DMRT3: variants seen among roughly 807,000 people sequenced by gnomAD.
DMRT3 encodes the protein doublesex and mab-3 related transcription factor 3, also known as doublesex- and mab-3-related transcription factor 3.
A neutral mutation model predicts 34.9 loss-of-function variants in DMRT3; 29 were observed. The ratio of observed to expected loss-of-function variants is 0.83; its 90% CI spans 0.62 to 1.13. The LOEUF is 1.13. Among genes scored for constraint, DMRT3 ranks in the 50% most tolerant of loss-of-function variants. DMRT3 has a pLI of 0.00. For synonymous variants in DMRT3, 350 were observed against 286.0 expected (o/e 1.22, Z -2.26); for missense variants, 772 against 629.1 (o/e 1.23, Z -2.43).
In DMRT3 at chr9:990,444, G is replaced by C. The variant is rs1820343148; in HGVS notation, c.858G>C (p.Leu286=). The part of the protein sequence containing the change: ...GDLVSAVEVL[L]SSRSSVTGAE... ...TGGTGAGCGCCGTGGAAGTCCTTCT[G>C]TCCAGCCGATCCTCAGTCACGGGAG... is the stretch of plus-strand genomic sequence containing the variant. Residue 286 remains leucine, a synonymous_variant, in exon 2 of 2, where the codon CTG becomes CTC. Transcript: ENST00000190165. 4.3e-6 allele frequency: 7 copies of C among 1,614,130 alleles called. No homozygotes were observed. Among genetic ancestry groups the C allele is most frequent in the Non-Finnish European group, 5.9e-6 (7 of 1,180,022 alleles).
chr9:979,096 G>C (rs1563687110), intron 1 of DMRT3, among the ~76,000 whole-genome samples: 1 of 152,160 alleles, frequency 6.6e-6, no homozygotes, highest in Non-Finnish European at 1.5e-5. Flanking sequence ...TAACATCAGA[G>C]GTTAACTCAG....
At position 977,169 on chromosome 9, in the gene DMRT3, G is replaced by A. The variant is rs550224143; in HGVS notation, c.168G>A (p.Glu56=). The A allele has an allele frequency of 6.2e-7, 1 of 1,611,384 alleles. No individual in the cohort carries two copies. The highest frequency in any genetic ancestry group is 1.3e-5 in the African/African-American group (1 of 74,922). ...RYCRFKDCTC[E]KCILIIERQR... is the part of the protein sequence containing the mutation. ...GCCGCTTCAAGGACTGCACCTGCGA[G>A]AAGTGCATCCTCATCATCGAGCGGC... The change falls in exon 1 of 2, where the codon GAG becomes GAA. Residue 56 remains glutamate (E), a synonymous_variant. Transcript: ENST00000190165.
In DMRT3 at chr9:982,237, G is replaced by A. The variant is rs372009441; in HGVS notation, c.454+4782G>A. On this transcript the variant is annotated intron_variant, in intron 1 of 1. Coordinates refer to ENST00000190165, the MANE Select transcript of DMRT3 (RefSeq NM_021240.4). ...CATCTCCTAGTTCTTTCTCTGCAGAGCCCGAGCTGCCTGGGACTGGCGTCA... is the reference window on the plus strand; with the variant it reads ...CATCTCCTAGTTCTTTCTCTGCAGAACCCGAGCTGCCTGGGACTGGCGTCA... 2.4e-4 allele frequency among the ~76,000 whole-genome samples: 36 copies of A among 152,280 alleles called. No homozygotes were observed. The South Asian group carries it at 7.3e-3, about 31-fold the overall frequency.
intron 1 of DMRT3, among the ~76,000 whole-genome samples, chr9:989,050 T>G (rs1446912419): frequency 6.6e-6 from 1 of 152,228 alleles, no homozygotes; most frequent in African/African-American, 2.4e-5. Context: ...TGCAACTGGT[T>G]TACTTTATCG....
Position 990,264 on chromosome 9 carries a change from G to A in DMRT3, c.678G>A (p.Glu226=). The A allele has an allele frequency of 1.2e-6, 2 of 1,613,922 alleles. No homozygotes were observed. Among genetic ancestry groups the A allele is most frequent in the South Asian group, 2.2e-5 (2 of 91,040 alleles). ...SRPDSPKCHA[E]QNHLLIEGPS... The stretch of plus-strand genomic sequence containing the variant: ...CTGACAGCCCCAAGTGTCACGCGGA[G>A]CAGAATCACCTCCTGATTGAGGGCC... The change falls in exon 2 of 2, where the codon GAG becomes GAA. Residue 226 remains glutamate, a synonymous_variant. Coordinates refer to ENST00000190165, the MANE Select transcript of DMRT3 (RefSeq NM_021240.4).
chr9:983,671 T>C (rs1820248726), intron 1 of DMRT3, among the ~76,000 whole-genome samples: 1 of 152,178 alleles, frequency 6.6e-6, no homozygotes, highest in Non-Finnish European at 1.5e-5. Flanking sequence ...ACATGTAGAT[T>C]TGTAGGTAAT....
chr9:990,534 C>T lies in DMRT3; in HGVS notation c.948C>T (p.His316=). Residue 316 remains histidine, a synonymous_variant, in exon 2 of 2, where the codon CAC becomes CAT. Transcript: ENST00000190165. ...ALPSNGHIFE[H]TLSSYPISSS... is the part of the protein sequence containing the mutation. ...CCTCCAATGGGCACATCTTTGAACACACCTTGAGCTCCTACCCCATCTCGT... is the reference window on the plus strand; with the variant it reads ...CCTCCAATGGGCACATCTTTGAACATACCTTGAGCTCCTACCCCATCTCGT... 6.2e-7 allele frequency: 1 copy of T among 1,614,098 alleles called. No homozygotes were observed. Among genetic ancestry groups the T allele is most frequent in the Non-Finnish European group, 8.5e-7 (1 of 1,180,032 alleles).
At position 990,446 on chromosome 9, in the gene DMRT3, C is replaced by G. The variant is rs758942794; in HGVS notation, c.860C>G (p.Ser287Cys). The change falls in exon 2 of 2, where the codon TCC becomes TGC. Residue 287 changes from serine (S) to cysteine (C), a missense_variant. Ser to Cys is a moderately radical substitution (Grantham distance 112). Transcript: ENST00000190165. ...GTGAGCGCCGTGGAAGTCCTTCTGTCCAGCCGATCCTCAGTCACGGGAGCA... is the reference window on the plus strand; with the variant it reads ...GTGAGCGCCGTGGAAGTCCTTCTGTGCAGCCGATCCTCAGTCACGGGAGCA... ...DLVSAVEVLL[S>C]SRSSVTGAER... 1.9e-6 allele frequency: 3 copies of G among 1,614,178 alleles called. No individual in the cohort carries two copies. Among genetic ancestry groups the G allele is most frequent in the Admixed American group, 3.3e-5 (2 of 60,016 alleles).
In DMRT3 at chr9:991,131, C is replaced by A; in HGVS notation, c.*126C>A. On this transcript the variant is annotated 3_prime_UTR_variant, in exon 2 of 2. Coordinates refer to ENST00000190165, the MANE Select transcript of DMRT3 (RefSeq NM_021240.4). ...TTTGACAAAGTGACTGTGCTTGATT[C>A]TATACATTAGCAATAAAAACATAAC... is the stretch of plus-strand genomic sequence containing the variant. 2 of 1,255,536 alleles carry A rather than the reference C, an allele frequency of 1.6e-6. No individual in the cohort carries two copies. The highest frequency in any genetic ancestry group is 2.2e-6 in the Non-Finnish European group (2 of 911,186). 77.8% of individuals were successfully genotyped at this position (1,255,536 alleles called of 1,614,324 possible).
Position 990,108 on chromosome 9 carries a change from C to T in DMRT3, c.522C>T (p.Asp174=), listed in dbSNP as rs767152362. 3.1e-6 allele frequency: 5 copies of T among 1,614,114 alleles called. No homozygotes were observed. The East Asian group carries it at 6.7e-5, about 22-fold the overall frequency. ...ATACAGAGGTCTTCAGTGACAAAGA[C>T]ACTGACCAGAGGAGTTCCCCAGATG... The part of the protein sequence containing the change: ...ADNTEVFSDK[D]TDQRSSPDVA... The change falls in exon 2 of 2, where the codon GAC becomes GAT. Residue 174 remains aspartate, a synonymous_variant. Transcript: ENST00000190165.
chr9:984,980 A>G (rs747776111), intron 1 of DMRT3, among the ~76,000 whole-genome samples: 8 of 152,180 alleles, frequency 5.3e-5, no homozygotes, highest in Non-Finnish European at 8.8e-5. Flanking sequence ...AAAAGAAAAA[A>G]AAGTATTGTA....
chr9:980,863 A>T (rs909188527), intron 1 of DMRT3, among the ~76,000 whole-genome samples: 1 of 152,098 alleles, frequency 6.6e-6, no homozygotes, highest in African/African-American at 2.4e-5. Context: ...TCCCTTCCCT[A>T]CCCCCAACTT....
intron 1 of DMRT3, among the ~76,000 whole-genome samples, chr9:988,172 T>C (rs983225862): frequency 2.6e-5 from 4 of 152,348 alleles, no homozygotes; most frequent in African/African-American, 7.2e-5. Context: ...AGAGTCTTTC[T>C]ATAGAGTCAT....
At chr9:978,129 G>T (rs1162763953) in intron 1 of DMRT3, among the ~76,000 whole-genome samples, 3 of 152,232 alleles carry the variant, frequency 2.0e-5, no homozygotes, top group African/African-American at 7.2e-5. Flanking sequence ...AGCGGGAAAA[G>T]AATCTGATGC....
In DMRT3 at chr9:990,397, C is replaced by T. The variant is rs773389730; in HGVS notation, c.811C>T (p.Leu271Phe). Residue 271 changes from leucine to phenylalanine, a missense_variant, in exon 2 of 2, where the codon CTC becomes TTC. By Grantham distance (22) the Leu-to-Phe change is conservative. Transcript: ENST00000190165. ...GAAGCCAACGGTGCTTGAGCTCATC[C>T]TCAAGGGCTGTGGCGGGGACCTGGT... The part of the protein sequence containing the change: ...NQKPTVLELI[L>F]KGCGGDLVSA... The T allele has an allele frequency of 6.2e-7, 1 of 1,614,120 alleles. No individual in the cohort carries two copies. The highest frequency in any genetic ancestry group is 1.3e-5 in the African/African-American group (1 of 75,028).
At chr9:985,717 A>G (rs532932917) in intron 1 of DMRT3, among the ~76,000 whole-genome samples, 1 of 152,322 alleles carries the variant, frequency 6.6e-6, no homozygotes, top group East Asian at 1.9e-4. Flanking sequence ...TTTGGTGAGG[A>G]GTTATTCTTG....
In DMRT3 at chr9:981,830, G is replaced by A. The variant is rs148846518; in HGVS notation, c.454+4375G>A. On this transcript the variant is annotated intron_variant, in intron 1 of 1. Coordinates refer to ENST00000190165, the MANE Select transcript of DMRT3 (RefSeq NM_021240.4). ...CAGCTTCTCGCCGCCTGCTGGGGAC[G>A]GCTCTTTCCTTGGTCACTGTCAGGA... Among the ~76,000 whole-genome samples the A allele has an allele frequency of 1.3e-3, 205 of 152,230 alleles. 3 individuals carry two copies. In the East Asian group the frequency reaches 0.028, roughly 21 times the overall value.
chr9:988,876 T>C (rs146014285), intron 1 of DMRT3, among the ~76,000 whole-genome samples: 1 of 152,352 alleles, frequency 6.6e-6, no homozygotes, highest in Non-Finnish European at 1.5e-5. Flanking sequence ...CAAAACTCTA[T>C]TTGCAAATAG....
chr9:977,133 C>G lies in DMRT3; in HGVS notation c.132C>G (p.His44Gln), dbSNP rs748701225. The G allele has an allele frequency of 6.2e-7, 1 of 1,611,220 alleles. No individual in the cohort carries two copies. Among genetic ancestry groups the G allele is most frequent in the Non-Finnish European group, 8.5e-7 (1 of 1,179,004 alleles). Residue 44 changes from histidine (H) to glutamine (Q), a missense_variant, in exon 1 of 2, where the codon CAC (histidine) becomes CAG (glutamine). By Grantham distance (24) the His-to-Gln change is conservative. Transcript: ENST00000190165. ...GCGTCCTGTCCTGGCTCAAGGGCCA[C>G]AAGCGTTACTGCCGCTTCAAGGACT... ...NHGVLSWLKG[H>Q]KRYCRFKDCT...
Sources: allele counts gnomAD v4.1 joint callset (sites outside exome capture counted in the v4.1 genomes callset), GRCh38; gene constraint gnomAD v4.1.1; transcripts MANE v1.5; gene names NCBI Gene and HGNC (gene_info 2026-07-23, HGNC 2026-07-21).